The following SARNP variants were observed in gnomAD, a reference collection of about 807,000 sequenced individuals.
SARNP encodes the protein SAP domain containing ribonucleoprotein.
Under a neutral mutation model 38.1 loss-of-function variants are expected in SARNP, and 5 were observed. The observed-to-expected ratio is 0.13, with a 90% confidence interval of 0.07 to 0.28. The LOEUF (loss-of-function observed/expected upper bound fraction) is 0.28, where lower values mean the gene tolerates loss of function less well. Among genes scored for constraint, SARNP ranks in the 10% least tolerant of loss-of-function variants. SARNP has a pLI of 1.00. For missense variants in SARNP, 180 were observed against 243.9 expected (o/e 0.74, Z 1.75); for synonymous variants, 84 against 80.6 (o/e 1.04, Z -0.23).
At chr12:55,805,603 T>C (rs750692629) in intron 1 of SARNP, among the ~76,000 whole-genome samples, 2 of 151,946 alleles carry the variant, frequency 1.3e-5, no homozygotes, top group Non-Finnish European at 2.9e-5. Context: ...TCCCAGCACT[T>C]TGGGGGGCCT....
rs1879456327 is a variant in SARNP at position 55,785,229 on chromosome 12, A to G, written c.501+3846T>C. ...GCTATACGTATTGACAATCAATGTT[A>G]TTAGAGAAGGAAGCTCACAGCCAGA... On this transcript the variant is annotated intron_variant, in intron 9 of 10. Coordinates refer to ENST00000336133, the MANE Select transcript of SARNP (RefSeq NM_033082.4). 1.3e-5 allele frequency among the ~76,000 whole-genome samples: 2 copies of G among 152,168 alleles called. 1 individual carries two copies. Among genetic ancestry groups the G allele is most frequent in the Admixed American group, 1.3e-4 (2 of 15,266 alleles).
At chr12:55,795,584 GT>G (rs1466725414) in intron 5 of SARNP, among the ~76,000 whole-genome samples, 1 of 152,136 alleles carries the variant, frequency 6.6e-6, no homozygotes, top group Non-Finnish European at 1.5e-5. Context: ...TTCTAAAAGA[GT>G]TTAATAATTC....
chr12:55,773,191 G>A (rs1879063889), intron 9 of SARNP, among the ~76,000 whole-genome samples: 1 of 152,174 alleles, frequency 6.6e-6, no homozygotes, highest in Non-Finnish European at 1.5e-5. Flanking sequence ...TAATTAATCT[G>A]TATCTCAAAA....
intron 9 of SARNP, among the ~76,000 whole-genome samples, chr12:55,760,951 TG>T (rs1449267468): frequency 6.6e-6 from 1 of 151,630 alleles, no homozygotes; most frequent in Non-Finnish European, 1.5e-5. Flanking sequence ...CTGAGGCGGG[TG>T]GATCAGGCAG....
rs1318964279 is a variant in SARNP, at chr12:55,757,392, A to G, written c.*120T>C. On this transcript the variant is annotated 3_prime_UTR_variant, in exon 11 of 11. Coordinates refer to ENST00000336133, the MANE Select transcript of SARNP (RefSeq NM_033082.4). ...CAGTTCATGGATGTACCTGGGGTAC[A>G]TGCTCCCTCATTGCGAGGCAGGACG... 3.0e-6 allele frequency: 2 copies of G among 676,428 alleles called. No individual in the cohort carries two copies. The highest frequency in any genetic ancestry group is 2.4e-6 in the Non-Finnish European group (1 of 423,080). The allele number at this position is 676,428 out of a possible 1,614,324, so 41.9% of individuals were successfully genotyped here. A position where few individuals can be genotyped will look rare whatever the true frequency, so the allele number is the denominator to read the frequency against.
chr12:55,798,608 G>A (rs888136365), intron 4 of SARNP, among the ~76,000 whole-genome samples: 4 of 152,174 alleles, frequency 2.6e-5, no homozygotes, highest in Admixed American at 6.6e-5. Context: ...GGGTATACTT[G>A]TGAGTATAAA....
At chr12:55,788,058 T>A (rs953430094) in intron 9 of SARNP, among the ~76,000 whole-genome samples, 8 of 152,214 alleles carry the variant, frequency 5.3e-5, no homozygotes, top group African/African-American at 1.9e-4. Flanking sequence ...CCGATTTTTT[T>A]CTTAAATGCT....
intron 9 of SARNP, among the ~76,000 whole-genome samples, chr12:55,785,423 A>G (rs574344373): frequency 6.6e-6 from 1 of 152,226 alleles, no homozygotes; most frequent in African/African-American, 2.4e-5. Context: ...AAGGAAGAAA[A>G]CTAACATTTA....
chr12:55,789,364 A>G (rs1038408292), intron 8 of SARNP, among the ~76,000 whole-genome samples: 7 of 152,194 alleles, frequency 4.6e-5, no homozygotes, highest in Non-Finnish European at 8.8e-5. Context: ...CATTTATCAC[A>G]GGTGTCAAGA....
At chr12:55,791,080 C>G (rs1252476586) in intron 7 of SARNP, among the ~76,000 whole-genome samples, 2 of 152,106 alleles carry the variant, frequency 1.3e-5, no homozygotes, top group Admixed American at 6.5e-5. Flanking sequence ...GTGAAAGAAT[C>G]CAGTCACAAA....
chr12:55,775,595 G>C lies in SARNP; in HGVS notation c.501+13480C>G, dbSNP rs190986509. On this transcript the variant is annotated intron_variant, in intron 9 of 10. Transcript: ENST00000336133. ...ATGAAAAAAAGAGTAGCAAAGGAAG[G>C]GGAGAGGAAGAAAGGAGTTAAAATT... 2.5e-4 allele frequency among the ~76,000 whole-genome samples: 37 copies of C among 151,018 alleles called. No individual in the cohort carries two copies. The East Asian group carries it at 7.0e-3, about 28-fold the overall frequency.
At chr12:55,780,356 AGGC>A (rs1879305716) in intron 9 of SARNP, among the ~76,000 whole-genome samples, 3 of 152,142 alleles carry the variant, frequency 2.0e-5, no homozygotes, top group African/African-American at 4.8e-5. Flanking sequence ...CGGGAGGCTG[AGGC>A]AGGAGAATTG....
downstream of SARNP, chr12:55,754,919 C>T (rs941255203): frequency 5.3e-5 from 8 of 152,014 alleles, no homozygotes; most frequent in Non-Finnish European, 7.4e-5. Flanking sequence ...GAAAGTGATC[C>T]GGGAGGTAGA....
chr12:55,810,576 T>C (rs1467495374), intron 1 of SARNP, among the ~76,000 whole-genome samples: 1 of 151,528 alleles, frequency 6.6e-6, no homozygotes, highest in Non-Finnish European at 1.5e-5. Flanking sequence ...CTTCAGCCTC[T>C]CCAGTAGCTG....
chr12:55,765,256 G>C (rs1878794202), intron 9 of SARNP, among the ~76,000 whole-genome samples: 1 of 152,142 alleles, frequency 6.6e-6, no homozygotes, highest in Non-Finnish European at 1.5e-5. Flanking sequence ...ATGTCCACTT[G>C]GAATGTGCGG....
intron 1 of SARNP, among the ~76,000 whole-genome samples, chr12:55,814,996 T>G (rs138005472): frequency 0.013 from 1,950 of 152,342 alleles, 19 homozygotes; most frequent in African/African-American, 0.026. Context: ...AGGTATTCCC[T>G]TCCCCTGAGG....
chr12:55,791,624 G>A (rs965264738), intron 7 of SARNP, among the ~76,000 whole-genome samples: 1 of 152,168 alleles, frequency 6.6e-6, no homozygotes. Flanking sequence ...GAACCCAGAA[G>A]GCAGAGGCTG....
At chr12:55,799,829 A>C (rs1879927656) in intron 4 of SARNP, among the ~76,000 whole-genome samples, 2 of 150,682 alleles carry the variant, frequency 1.3e-5, no homozygotes, top group South Asian at 4.3e-4. Context: ...TGGGATTACA[A>C]GTGTGTGCCA....
At chr12:55,783,594 G>A (rs1879402440) in intron 9 of SARNP, among the ~76,000 whole-genome samples, 4 of 152,066 alleles carry the variant, frequency 2.6e-5, no homozygotes, top group Non-Finnish European at 5.9e-5. Flanking sequence ...GGGGGAGGTG[G>A]GAGGAGGTGG....
Sources: gnomAD v4.1 joint callset for allele counts (sites outside exome capture counted in the v4.1 genomes callset) on GRCh38, gnomAD v4.1.1 for gene constraint, MANE v1.5 for transcripts, NCBI Gene and HGNC (gene_info 2026-07-23, HGNC 2026-07-21) for gene names.